Variants in NR2F1-AS1 observed in about 807,000 individuals in gnomAD.
The protein encoded by NR2F1-AS1 is NR2F1 regulatory antisense RNA 1.
Position 93,579,695 on chromosome 5 carries a change from G to C in NR2F1-AS1, n.313+772C>G, listed in dbSNP as rs1260680803. 6.6e-6 allele frequency among the ~76,000 whole-genome samples: 1 copy of C among 151,302 alleles called. No homozygotes were observed. The highest frequency in any genetic ancestry group is 1.5e-5 in the Non-Finnish European group (1 of 67,872). On this transcript the variant is annotated intron_variant and non_coding_transcript_variant, in intron 1 of 5. Coordinates refer to ENST00000660523, the Ensembl canonical transcript of NR2F1-AS1. This position sits in a 1 kb window ranked among gnomAD's most constrained non-coding sequence, Gnocchi z 5.1. ...GCCCCGCACGGAGGAAAGCGCTCTT[G>C]TTGGTTTTAATTGAGCCTCTTCCTT...
intron 1 of NR2F1-AS1, among the ~76,000 whole-genome samples, chr5:93,576,953 T>G (rs551379132): frequency 2.2e-4 from 33 of 152,378 alleles, no homozygotes; most frequent in African/African-American, 6.7e-4. Flanking sequence ...ATAAATAAAT[T>G]TTATAACATA....
At chr5:93,537,495 G>T (rs1751863349) in intron 4 of NR2F1-AS1, among the ~76,000 whole-genome samples, 1 of 152,010 alleles carries the variant, frequency 6.6e-6, no homozygotes. Context: ...ATGGGCAAAA[G>T]ACCTTAATAG....
chr5:93,436,691 A>G (rs936582130), intron 4 of NR2F1-AS1, among the ~76,000 whole-genome samples: 6 of 152,188 alleles, frequency 3.9e-5, no homozygotes, highest in African/African-American at 1.4e-4. Context: ...ATTTGTCAAC[A>G]TGGTAAATAA....
At chr5:93,477,370 A>G (rs775939827) in intron 4 of NR2F1-AS1, among the ~76,000 whole-genome samples, 9 of 152,208 alleles carry the variant, frequency 5.9e-5, no homozygotes, top group Non-Finnish European at 1.0e-4. Flanking sequence ...ATTAAAATTT[A>G]GACATTTTAA....
At chr5:93,559,352 C>T (rs1752434464) in intron 2 of NR2F1-AS1, among the ~76,000 whole-genome samples, 1 of 152,226 alleles carries the variant, frequency 6.6e-6, no homozygotes, top group Non-Finnish European at 1.5e-5. Context: ...GGGCTTTGTT[C>T]TAGATTAGGC....
chr5:93,437,661 T>C (rs1285803638), intron 4 of NR2F1-AS1, among the ~76,000 whole-genome samples: 1 of 152,112 alleles, frequency 6.6e-6, no homozygotes, highest in African/African-American at 2.4e-5. Context: ...GTGAATTCAG[T>C]TTGTGATGAA....
intron 4 of NR2F1-AS1, among the ~76,000 whole-genome samples, chr5:93,513,365 T>C (rs962345072): frequency 1.6e-4 from 24 of 152,278 alleles, no homozygotes; most frequent in African/African-American, 4.8e-4. Flanking sequence ...CATGTACTTG[T>C]ATGTTCATCG....
chr5:93,543,849 A>AT (rs1337123946), intron 4 of NR2F1-AS1: 1 of 152,212 alleles, frequency 6.6e-6, no homozygotes, highest in African/African-American at 2.4e-5. Flanking sequence ...GTTGAGTTTA[A>AT]TTGTTGCTTA....
chr5:93,558,669 C>T (rs1350446544), intron 2 of NR2F1-AS1, among the ~76,000 whole-genome samples: 1 of 152,180 alleles, frequency 6.6e-6, no homozygotes, highest in African/African-American at 2.4e-5. Context: ...GAAATTACTC[C>T]TTGATCTATG....
chr5:93,448,748 T>C (rs933476170), intron 4 of NR2F1-AS1, among the ~76,000 whole-genome samples: 2 of 152,160 alleles, frequency 1.3e-5, no homozygotes, highest in African/African-American at 4.8e-5. Context: ...AGGAGCTCCC[T>C]CTTACTCAGC....
intron 4 of NR2F1-AS1, among the ~76,000 whole-genome samples, chr5:93,535,623 T>G (rs1235069610): frequency 1.3e-5 from 2 of 151,996 alleles, no homozygotes; most frequent in East Asian, 3.9e-4. Context: ...ACAAGCAAAC[T>G]AAATTCAACA....
At chr5:93,514,587 A>T (rs1439543554) in intron 4 of NR2F1-AS1, among the ~76,000 whole-genome samples, 1 of 152,092 alleles carries the variant, frequency 6.6e-6, no homozygotes, top group African/African-American at 2.4e-5. Flanking sequence ...CCATTCAGCA[A>T]TCAATAAGAA....
At chr5:93,565,010 G>GA (rs1434584493) in intron 1 of NR2F1-AS1, among the ~76,000 whole-genome samples, 1 of 151,884 alleles carries the variant, frequency 6.6e-6, no homozygotes, top group Non-Finnish European at 1.5e-5. Flanking sequence ...GATAGTCCGA[G>GA]AAAAAAATCT....
chr5:93,419,643 A>G (rs1749046480), intron 4 of NR2F1-AS1, among the ~76,000 whole-genome samples: 1 of 152,240 alleles, frequency 6.6e-6, no homozygotes, highest in Non-Finnish European at 1.5e-5. Context: ...AAGGATATAC[A>G]TTAATAGTGG....
chr5:93,581,017 C>CTTAG (rs1329456839), upstream of NR2F1-AS1: 11 of 152,264 alleles, frequency 7.2e-5, no homozygotes, highest in African/African-American at 2.4e-4. Context: ...TAAGCGGTCG[C>CTTAG]CGACTCCCGA....
At chr5:93,523,307 T>C (rs1012697311) in intron 4 of NR2F1-AS1, among the ~76,000 whole-genome samples, 1 of 152,138 alleles carries the variant, frequency 6.6e-6, no homozygotes, top group Non-Finnish European at 1.5e-5. Context: ...GGATTCCTCC[T>C]CTCTGGGCAG....
At chr5:93,470,478 C>T (rs553297123) in intron 4 of NR2F1-AS1, among the ~76,000 whole-genome samples, 9 of 151,568 alleles carry the variant, frequency 5.9e-5, no homozygotes, top group African/African-American at 2.2e-4. Flanking sequence ...TGCAGCTAAC[C>T]AAGAGAAAAA....
intron 4 of NR2F1-AS1, among the ~76,000 whole-genome samples, chr5:93,450,174 T>C (rs1000501562): frequency 6.6e-6 from 1 of 152,224 alleles, no homozygotes; most frequent in Admixed American, 6.5e-5. Context: ...CTGAATGTTT[T>C]AATATCTGAA....
chr5:93,513,337 T>C (rs982477777), intron 4 of NR2F1-AS1, among the ~76,000 whole-genome samples: 1 of 152,104 alleles, frequency 6.6e-6, no homozygotes, highest in African/African-American at 2.4e-5. Context: ...GAAAATAAAC[T>C]GTTCTACCAA....
Sources: gnomAD v4.1 joint callset for allele counts (sites outside exome capture counted in the v4.1 genomes callset) on GRCh38, gnomAD v4.1.1 for gene constraint, Gnocchi (gnomAD v3.1) non-coding constraint, MANE v1.5 for transcripts, NCBI Gene and HGNC (gene_info 2026-07-23, HGNC 2026-07-21) for gene names.